The following SAMD3 variants were observed in gnomAD, a reference collection of about 807,000 sequenced individuals.
SAMD3 encodes sterile alpha motif domain-containing protein 3.
SAMD3 carries 63 observed loss-of-function variants against 58.5 expected under a neutral mutation model. The observed-to-expected ratio is 1.08, with a 90% CI of 0.88 to 1.33. The LOEUF is 1.33. Ranked by LOEUF, SAMD3 falls within the 40% of genes most tolerant of loss-of-function variation. The pLI, the probability that SAMD3 is intolerant of heterozygous loss-of-function variation, is 0.00. For missense variants in SAMD3, 604 were observed against 608.4 expected (o/e 0.99, Z 0.08); for synonymous variants, 220 against 210.3 (o/e 1.05, Z -0.40).
At chr6:130,360,674 G>T (rs917265913) in intron 1 of SAMD3, among the ~76,000 whole-genome samples, 5 of 152,148 alleles carry the variant, frequency 3.3e-5, no homozygotes, top group African/African-American at 1.2e-4. Context: ...CAGGAGACAG[G>T]GTTTGAGAGC....
At chr6:130,163,357 T>C (rs1408071953) in intron 8 of SAMD3, among the ~76,000 whole-genome samples, 1 of 152,222 alleles carries the variant, frequency 6.6e-6, no homozygotes, top group African/African-American at 2.4e-5. Context: ...ATACTAGGTG[T>C]TTCCTCATAC....
At chr6:130,217,747 C>T (rs576529921) in intron 1 of SAMD3, among the ~76,000 whole-genome samples, 1 of 151,032 alleles carries the variant, frequency 6.6e-6, no homozygotes, top group Non-Finnish European at 1.5e-5. Context: ...AATATGAAAA[C>T]TTTTTGTCAT....
At chr6:130,297,305 C>T (rs1391122640) in intron 2 of SAMD3, among the ~76,000 whole-genome samples, 4 of 152,110 alleles carry the variant, frequency 2.6e-5, no homozygotes, top group Admixed American at 1.3e-4. Flanking sequence ...CTGAAAACAC[C>T]CAGGAATGAA....
chr6:130,290,902 G>C (rs1174753819), intron 2 of SAMD3, among the ~76,000 whole-genome samples: 1 of 152,130 alleles, frequency 6.6e-6, no homozygotes, highest in Non-Finnish European at 1.5e-5. Context: ...CTGTTTGCTA[G>C]TCCTGCTGTT....
chr6:130,224,054 A>G (rs1489338758), upstream of SAMD3, among the ~76,000 whole-genome samples: 1 of 152,058 alleles, frequency 6.6e-6, no homozygotes. Flanking sequence ...GGGATCCACA[A>G]GGGGAATGGA....
intron 5 of SAMD3, among the ~76,000 whole-genome samples, chr6:130,199,633 C>T (rs959886668): frequency 6.6e-6 from 1 of 152,134 alleles, no homozygotes; most frequent in Non-Finnish European, 1.5e-5. Flanking sequence ...GCAAGAGTAG[C>T]TACTGCTAAG....
At chr6:130,326,095 C>T (rs1254235909) in intron 1 of SAMD3, among the ~76,000 whole-genome samples, 3 of 152,176 alleles carry the variant, frequency 2.0e-5, no homozygotes, top group African/African-American at 7.2e-5. Context: ...TTTATCCAAT[C>T]TATCCCCTTA....
intron 5 of SAMD3, among the ~76,000 whole-genome samples, chr6:130,196,230 C>T (rs1794099030): frequency 6.6e-6 from 1 of 152,152 alleles, no homozygotes; most frequent in Non-Finnish European, 1.5e-5. Flanking sequence ...AAACTATGCT[C>T]AACTCACTCT....
chr6:130,236,429 G>A (rs957264364), intron 2 of SAMD3, among the ~76,000 whole-genome samples: 1 of 149,584 alleles, frequency 6.7e-6, no homozygotes, highest in Non-Finnish European at 1.5e-5. Context: ...TGTCACTTAG[G>A]CTGGAGTGCA....
chr6:130,269,048 C>G (rs550519996), intron 2 of SAMD3, among the ~76,000 whole-genome samples: 1 of 152,080 alleles, frequency 6.6e-6, no homozygotes, highest in Admixed American at 6.6e-5. Context: ...CCCTAGTTCC[C>G]GAAGTTTTAC....
At chr6:130,189,221 A>G (rs1196706235) in intron 5 of SAMD3, among the ~76,000 whole-genome samples, 1 of 152,116 alleles carries the variant, frequency 6.6e-6, no homozygotes, top group African/African-American at 2.4e-5. Context: ...GTACTTGGAG[A>G]CAGACCTTTA....
At chr6:130,334,139 C>T (rs186334405) in intron 1 of SAMD3, among the ~76,000 whole-genome samples, 7 of 152,254 alleles carry the variant, frequency 4.6e-5, no homozygotes, top group African/African-American at 1.2e-4. Context: ...TAAGAATATT[C>T]TCTGATTTCA....
At chr6:130,170,066 T>C (rs1230345088) in intron 8 of SAMD3, among the ~76,000 whole-genome samples, 1 of 152,246 alleles carries the variant, frequency 6.6e-6, no homozygotes, top group Non-Finnish European at 1.5e-5. Context: ...AGTTTTGGGA[T>C]ACATGTGCAG....
chr6:130,179,928 C>G (rs1242150767), intron 7 of SAMD3, among the ~76,000 whole-genome samples: 1 of 150,436 alleles, frequency 6.6e-6, no homozygotes. Flanking sequence ...GATTCTCCTG[C>G]CTCAGCCTCC....
In SAMD3 at chr6:130,232,445, A is replaced by G. The variant is rs963243515; in HGVS notation, c.-187-9632T>C. Among the ~76,000 whole-genome samples the G allele has an allele frequency of 6.6e-5, 10 of 152,272 alleles. No individual in the cohort carries two copies. The South Asian group carries it at 2.1e-3, about 32-fold the overall frequency. ...TTCATTTTTCTGCTCCTTTCCTAGT[A>G]TTTATTTGCACCCAAGATCTGTCAG... is the stretch of plus-strand genomic sequence containing the variant. On this transcript the variant is annotated intron_variant, in intron 2 of 13. Coordinates refer to the SAMD3 transcript ENST00000368134.
chr6:130,196,728 C>G (rs1794152836), intron 5 of SAMD3, among the ~76,000 whole-genome samples: 1 of 151,180 alleles, frequency 6.6e-6, no homozygotes, highest in Non-Finnish European at 1.5e-5. Flanking sequence ...TGAGGATTTG[C>G]CCCCACCCAG....
intron 1 of SAMD3, 81 bp downstream of exon 1, chr6:130,222,613 A>C (rs1796267059): frequency 6.6e-6 from 1 of 152,204 alleles, no homozygotes; most frequent in South Asian, 2.1e-4. Flanking sequence ...GCCACTCTTA[A>C]ATTTTTCTCA....
intron 5 of SAMD3, 122 bp from the exon 6 acceptor site, chr6:130,184,745 C>T (rs1381755244): frequency 5.5e-5 from 38 of 694,014 alleles, no homozygotes; most frequent in Non-Finnish European, 6.1e-5. Context: ...ATATGGAAGT[C>T]ATCAAGCCAT....
At chr6:130,365,850 A>G (rs1475491811), upstream of SAMD3, 1 of 985,376 alleles carries the variant, frequency 1.0e-6, no homozygotes, top group Non-Finnish European at 1.2e-6. Context: ...GTCCTCCAGG[A>G]GGAGTGGGTG....
Sources: allele counts gnomAD v4.1 joint callset (sites outside exome capture counted in the v4.1 genomes callset), GRCh38; gene constraint gnomAD v4.1.1; transcripts MANE v1.5; gene names NCBI Gene and HGNC (gene_info 2026-07-23, HGNC 2026-07-21).